CDKN2B-AS1: variants seen among roughly 807,000 people sequenced by gnomAD.
The protein encoded by CDKN2B-AS1 is CDKN2B antisense RNA 1 (non-protein coding).
intron 1 of CDKN2B-AS1, among the ~76,000 whole-genome samples, chr9:22,023,440 T>C: frequency 6.6e-6 from 1 of 152,104 alleles, no homozygotes; most frequent in Non-Finnish European, 1.5e-5. Context: ...GATTGCATTA[T>C]GAAATTTTGG....
At chr9:22,055,558 T>G (rs142533144) in intron 3 of CDKN2B-AS1, among the ~76,000 whole-genome samples, 1 of 152,180 alleles carries the variant, frequency 6.6e-6, no homozygotes, top group Non-Finnish European at 1.5e-5. Context: ...GGTTGTTTTT[T>G]GTTTTTTTGC....
At chr9:22,088,584 G>C (rs1824946843) in intron 4 of CDKN2B-AS1, among the ~76,000 whole-genome samples, 1 of 152,208 alleles carries the variant, frequency 6.6e-6, no homozygotes, top group African/African-American at 2.4e-5. Context: ...CCAAACTGCG[G>C]TTAAGTGCAA....
chr9:22,044,726 A>G, intron 1 of CDKN2B-AS1, among the ~76,000 whole-genome samples: 1 of 148,588 alleles, frequency 6.7e-6, no homozygotes. Context: ...TATCCCCATC[A>G]TTTTTTTTTC....
At chr9:22,008,939 G>T (rs769686129) in intron 1 of CDKN2B-AS1, 11 of 1,613,012 alleles carry the variant, frequency 6.8e-6, no homozygotes, top group Middle Eastern at 1.6e-4. Flanking sequence ...GCATGCCCTT[G>T]TTCTCCTCGC....
At chr9:22,126,355 A>AT (rs1304360825) in intron 4 of CDKN2B-AS1, among the ~76,000 whole-genome samples, 5 of 152,158 alleles carry the variant, frequency 3.3e-5, no homozygotes, top group Admixed American at 2.6e-4. Context: ...TGAGAAAATA[A>AT]TTTTTTATTA....
At position 22,076,728 on chromosome 9, in the gene CDKN2B-AS1, T is replaced by C. The variant is rs59616750; in HGVS notation, n.438+20341T>C. Among the ~76,000 whole-genome samples the C allele has an allele frequency of 7.9e-3, 1,202 of 152,310 alleles. 17 individuals carry two copies. Among genetic ancestry groups the C allele is most frequent in the African/African-American group, 0.027 (1,127 of 41,554 alleles). On this transcript the variant is annotated intron_variant and non_coding_transcript_variant, in intron 4 of 4. Transcript: ENST00000650946. ...ATTTTTTTGAGACAAGGTCTCACTC[T>C]GTCACCCAGGCTGGAGTGCAGTGGC...
At chr9:22,122,520 A>G (rs1212585495) in intron 4 of CDKN2B-AS1, among the ~76,000 whole-genome samples, 3 of 151,882 alleles carry the variant, frequency 2.0e-5, no homozygotes, top group Non-Finnish European at 4.4e-5. Flanking sequence ...TAGTAATTCT[A>G]TTTTTCATGT....
chr9:22,029,406 A>C, intron 1 of CDKN2B-AS1: 1 of 779,272 alleles, frequency 1.3e-6, no homozygotes, highest in Non-Finnish European at 2.4e-6. Context: ...TTGTCTGACA[A>C]ATCCAGATTT....
chr9:22,096,611 A>G (rs529832471), intron 4 of CDKN2B-AS1: 1 of 152,336 alleles, frequency 6.6e-6, no homozygotes, highest in African/African-American at 2.4e-5. Context: ...GTTAAAATAC[A>G]AGATATATAG....
intron 4 of CDKN2B-AS1, among the ~76,000 whole-genome samples, chr9:22,109,485 T>C (rs1022319256): frequency 5.3e-5 from 8 of 152,206 alleles, no homozygotes; most frequent in African/African-American, 1.7e-4. Flanking sequence ...CTAATACGTT[T>C]CCTGCGTGTA....
rs1352024345 is a variant in CDKN2B-AS1 at position 21,995,778 on chromosome 9, G to C, written n.29+617G>C. ...GGCTCTCGTCCAGGAACTCGGACGC[G>C]GGCTCGCCGGCTCTCCGCGCGCGGG... On this transcript the variant is annotated intron_variant and non_coding_transcript_variant, in intron 1 of 4. Transcript: ENST00000650946. The surrounding 1 kb of genome is among the most constrained non-coding windows in gnomAD (Gnocchi z 5.7). 4 of 152,232 alleles carry C rather than the reference G, an allele frequency of 2.6e-5. No homozygotes were observed. Among genetic ancestry groups the C allele is most frequent in the African/African-American group, 9.6e-5 (4 of 41,456 alleles). The allele number at this position is 152,232 out of a possible 1,614,324, so 9.4% of individuals were successfully genotyped here. A position where few individuals can be genotyped will look rare whatever the true frequency, so the allele number is the denominator to read the frequency against.
At chr9:22,124,474 G>T (rs1343474263) in intron 4 of CDKN2B-AS1, among the ~76,000 whole-genome samples, 1 of 152,136 alleles carries the variant, frequency 6.6e-6, no homozygotes, top group Admixed American at 6.5e-5. Context: ...TGGTCATTCC[G>T]GTAAGCAGCG....
chr9:22,022,808 T>C (rs1216835008), intron 1 of CDKN2B-AS1, among the ~76,000 whole-genome samples: 2 of 152,238 alleles, frequency 1.3e-5, no homozygotes, highest in African/African-American at 4.8e-5. Flanking sequence ...GGAGCTCTTG[T>C]AAGGCAGGTC....
chr9:22,024,402 G>T (rs1040663809), intron 1 of CDKN2B-AS1, among the ~76,000 whole-genome samples: 3 of 152,202 alleles, frequency 2.0e-5, no homozygotes, highest in Admixed American at 6.5e-5. Context: ...GCTAGTGAAG[G>T]CAAGGCATTT....
intron 4 of CDKN2B-AS1, among the ~76,000 whole-genome samples, chr9:22,125,235 A>G (rs1001458689): frequency 6.6e-6 from 1 of 152,252 alleles, no homozygotes; most frequent in Admixed American, 6.5e-5. Context: ...GAAGTAAAAA[A>G]AGAATGGGCT....
intron 4 of CDKN2B-AS1, among the ~76,000 whole-genome samples, chr9:22,062,986 C>CACATATAT (rs374229516): frequency 7.3e-6 from 1 of 136,772 alleles, no homozygotes; most frequent in Non-Finnish European, 1.6e-5. Flanking sequence ...GACACACACA[C>CACATATAT]ATATATATAT....
chr9:22,116,923 A>G (rs1262002666), intron 4 of CDKN2B-AS1, among the ~76,000 whole-genome samples: 1 of 152,266 alleles, frequency 6.6e-6, no homozygotes, highest in African/African-American at 2.4e-5. Context: ...GTACATGAAG[A>G]TTAAGCAGAA....
chr9:22,039,142 T>G lies in CDKN2B-AS1; in HGVS notation n.30-7609T>G, dbSNP rs1437628618. The stretch of plus-strand genomic sequence containing the variant: ...AAAAATATTCAAAATGACAAAAACT[T>G]AAAATGACATCTAATTTTTTAAGGC... On this transcript the variant is annotated intron_variant and non_coding_transcript_variant, in intron 1 of 4. Transcript: ENST00000650946. This position sits in a 1 kb window ranked among gnomAD's most constrained non-coding sequence, Gnocchi z 4.4. Among the ~76,000 whole-genome samples the G allele has an allele frequency of 6.6e-6, 1 of 151,960 alleles. No individual in the cohort carries two copies. The highest frequency in any genetic ancestry group is 2.4e-5 in the African/African-American group (1 of 41,414).
intron 3 of CDKN2B-AS1, among the ~76,000 whole-genome samples, chr9:22,054,255 A>G (rs1823466839): frequency 6.6e-6 from 1 of 152,222 alleles, no homozygotes; most frequent in South Asian, 2.1e-4. Context: ...CATATGATGG[A>G]GCTGGAATGT....
Sources: gnomAD v4.1 joint callset for allele counts (sites outside exome capture counted in the v4.1 genomes callset) on GRCh38, gnomAD v4.1.1 for gene constraint, Gnocchi (gnomAD v3.1) non-coding constraint, MANE v1.5 for transcripts, NCBI Gene and HGNC (gene_info 2026-07-23, HGNC 2026-07-21) for gene names.